Variants in E2F7 observed in about 807,000 individuals in gnomAD.
E2F7 encodes the protein transcription factor E2F7.
E2F7 carries 35 observed loss-of-function variants against 81.1 expected under a neutral mutation model. That is an observed-to-expected ratio of 0.43 (90% CI 0.33 to 0.57). The LOEUF (loss-of-function observed/expected upper bound fraction) is 0.57, where lower values mean the gene tolerates loss of function less well. Among genes scored for constraint, E2F7 ranks in the 20% least tolerant of loss-of-function variants. E2F7 has a pLI of 0.04. For synonymous variants in E2F7, 416 were observed against 416.2 expected (o/e 1.00, Z 0.01); for missense variants, 961 against 1,093.7 (o/e 0.88, Z 1.71).
At position 77,049,903 on chromosome 12, in the gene E2F7, C is replaced by T. The variant is rs941588837; in HGVS notation, c.538+673G>A. 3.9e-5 allele frequency among the ~76,000 whole-genome samples: 6 copies of T among 152,238 alleles called. No individual in the cohort carries two copies. The South Asian group carries it at 8.3e-4, about 21-fold the overall frequency. On this transcript the variant is annotated intron_variant, in intron 4 of 12. Coordinates refer to ENST00000322886, the MANE Select transcript of E2F7 (RefSeq NM_203394.3). ...CACCTTCATGTCATTGTGATTTCTG[C>T]TTATTTAACGAGTGTCAACAATATG...
intron 10 of E2F7, among the ~76,000 whole-genome samples, chr12:77,028,662 G>C (rs1012677685): frequency 1.3e-5 from 2 of 151,862 alleles, no homozygotes; most frequent in African/African-American, 4.8e-5. Context: ...TTTTAGTAGA[G>C]ACAGGGTTTC....
At chr12:77,043,939 G>A (rs557467257) in intron 6 of E2F7, among the ~76,000 whole-genome samples, 3 of 152,342 alleles carry the variant, frequency 2.0e-5, no homozygotes, top group African/African-American at 4.8e-5. Context: ...TTAAGATCAA[G>A]CAAAGGAGTT....
At chr12:77,054,712 C>T (rs548120957) in intron 3 of E2F7, among the ~76,000 whole-genome samples, 6 of 152,172 alleles carry the variant, frequency 3.9e-5, no homozygotes, top group South Asian at 4.1e-4. Context: ...TGTTACCTTG[C>T]GAAAGAGGTC....
At chr12:77,060,030 G>GAA (rs917835883) in intron 2 of E2F7, among the ~76,000 whole-genome samples, 11 of 148,234 alleles carry the variant, frequency 7.4e-5, no homozygotes, top group African/African-American at 2.7e-4. Flanking sequence ...GGCTGCCCTA[G>GAA]AACTCCCCAG....
chr12:77,056,133 A>AT lies in E2F7; in HGVS notation c.94-4dup. The AT allele has an allele frequency of 1.3e-6, 2 of 1,584,626 alleles. No individual in the cohort carries two copies. Among genetic ancestry groups the AT allele is most frequent in the Non-Finnish European group, 1.7e-6 (2 of 1,170,516 alleles). ...GATCGATCAACAAATATATTTTCCTATTTTAAAAAAGAAACTTTTAGCAAG... is the reference window on the plus strand; with the variant it reads ...GATCGATCAACAAATATATTTTCCTATTTTTAAAAAAGAAACTTTTAGCAAG... On this transcript the variant is annotated splice_region_variant and splice_polypyrimidine_tract_variant and intron_variant, in intron 2 of 12. Transcript: ENST00000322886.
intron 11 of E2F7, among the ~76,000 whole-genome samples, chr12:77,026,252 A>T (rs1475147961): frequency 6.6e-6 from 1 of 152,172 alleles, no homozygotes; most frequent in Non-Finnish European, 1.5e-5. Flanking sequence ...CTGAGAAGGC[A>T]AAAAGCTTAG....
intron 11 of E2F7, among the ~76,000 whole-genome samples, 170 bp from the exon 12 acceptor site, chr12:77,026,152 C>T (rs982558352): frequency 2.6e-5 from 4 of 152,206 alleles, no homozygotes; most frequent in Non-Finnish European, 5.9e-5. Context: ...TCCTTCACAG[C>T]TGTGGCCAAG....
intron 2 of E2F7, among the ~76,000 whole-genome samples, chr12:77,057,469 C>G (rs566046609): frequency 4.6e-5 from 7 of 152,250 alleles, no homozygotes; most frequent in Admixed American, 4.6e-4. Flanking sequence ...CTTGGCCTCT[C>G]AAAGTGCTAG....
chr12:77,033,169 C>T (rs745316333), intron 8 of E2F7, 47 bp from the exon 9 acceptor site: 26 of 1,497,818 alleles, frequency 1.7e-5, no homozygotes, highest in South Asian at 4.6e-5. Flanking sequence ...GAGACTTATA[C>T]ATACCAACTA....
chr12:77,055,584 C>A (rs1955025146), intron 3 of E2F7, among the ~76,000 whole-genome samples: 1 of 151,932 alleles, frequency 6.6e-6, no homozygotes, highest in Non-Finnish European at 1.5e-5. Context: ...ATCCAAATTC[C>A]TTCATTAAAT....
At chr12:77,033,826 T>C (rs1319052801) in intron 8 of E2F7, 31 bp downstream of exon 8, 2 of 1,531,810 alleles carry the variant, frequency 1.3e-6, no homozygotes, top group East Asian at 4.7e-5. Flanking sequence ...TGGCAACTGA[T>C]GGACTCCATA....
Position 77,050,744 on chromosome 12 carries a change from G to A in E2F7, c.370C>T (p.Leu124Phe). Residue 124 changes from leucine to phenylalanine, a missense_variant and splice_region_variant, in exon 4 of 13, where the codon CTT becomes TTT. Physicochemically the swap from Leu to Phe is conservative, Grantham distance 22. Around this residue, in one of 3 missense-constraint regions of E2F7, gnomAD observed 301 missense variants for 405.0 expected, o/e 0.74. Coordinates refer to ENST00000322886, the MANE Select transcript of E2F7 (RefSeq NM_203394.3). The stretch of plus-strand genomic sequence containing the variant: ...ACAGCACTGTCCCCAACAACATCAA[G>A]CTACAGAGGGCAGATAGAAGGGAGG... ...KDDAFTDSLQ[L>F]DVVGDSAVDE... The A allele has an allele frequency of 1.2e-6, 2 of 1,611,852 alleles. No individual in the cohort carries two copies. The highest frequency in any genetic ancestry group is 1.7e-5 in the Admixed American group (1 of 59,884).
intron 9 of E2F7, among the ~76,000 whole-genome samples, chr12:77,031,504 G>A (rs760572833): frequency 7.0e-4 from 107 of 152,192 alleles, no homozygotes; most frequent in Non-Finnish European, 1.3e-3. Flanking sequence ...AGCTGGGCAT[G>A]GTGGCACACG....
At chr12:77,038,325 A>G (rs1954870090) in intron 7 of E2F7, among the ~76,000 whole-genome samples, 1 of 152,180 alleles carries the variant, frequency 6.6e-6, no homozygotes. Context: ...TATACTCTGT[A>G]TATTTGTGTA....
At chr12:77,033,184 C>T in intron 8 of E2F7, 62 bp from the exon 9 acceptor site, 3 of 1,389,214 alleles carry the variant, frequency 2.2e-6, no homozygotes, top group East Asian at 2.3e-5. Flanking sequence ...CAACTATATA[C>T]TGAGAATTAT....
chr12:77,047,286 G>C (rs958099285), intron 4 of E2F7, among the ~76,000 whole-genome samples: 4 of 152,114 alleles, frequency 2.6e-5, no homozygotes, highest in African/African-American at 7.2e-5. Flanking sequence ...ACCTTTTTGT[G>C]CCTTTGTATT....
chr12:77,043,262 G>A, intron 6 of E2F7, 63 bp from the exon 7 acceptor site: 2 of 1,602,778 alleles, frequency 1.2e-6, no homozygotes, highest in Non-Finnish European at 1.7e-6. Context: ...TTTAGTTTAT[G>A]TGACAGGTAA....
At chr12:77,024,221 C>T (rs753809383) in intron 12 of E2F7, 36 bp from the exon 13 acceptor site, 2 of 1,594,036 alleles carry the variant, frequency 1.3e-6, no homozygotes, top group South Asian at 2.2e-5. Flanking sequence ...GAAGTGAAGT[C>T]ATATTGTTTC....
chr12:77,033,354 A>G (rs1954821690), intron 8 of E2F7, among the ~76,000 whole-genome samples: 1 of 152,036 alleles, frequency 6.6e-6, no homozygotes, highest in Non-Finnish European at 1.5e-5. Flanking sequence ...CTCTACAAAA[A>G]ACGAAAAATT....
Sources: gnomAD v4.1 joint callset for allele counts (sites outside exome capture counted in the v4.1 genomes callset) on GRCh38, gnomAD v4.1.1 for gene constraint, gnomAD v4.1.1 regional missense constraint, MANE v1.5 for transcripts, NCBI Gene and HGNC (gene_info 2026-07-23, HGNC 2026-07-21) for gene names.